The following LRRC4C variants were observed in gnomAD, a reference collection of about 807,000 sequenced individuals.
The protein encoded by LRRC4C is leucine rich repeat containing 4C, also known as leucine-rich repeat-containing protein 4C.
A neutral mutation model predicts 33.6 loss-of-function variants in LRRC4C; 5 were observed. The ratio of observed to expected loss-of-function variants is 0.15; its 90% CI spans 0.08 to 0.31. The LOEUF (loss-of-function observed/expected upper bound fraction) is 0.31, where lower values mean the gene tolerates loss of function less well. Ranked by LOEUF, LRRC4C falls within the 10% of genes least tolerant of loss-of-function variation. The pLI, the probability that LRRC4C is intolerant of heterozygous loss-of-function variation, is 1.00. For missense variants in LRRC4C, 560 were observed against 796.7 expected (o/e 0.70, Z 3.58); for synonymous variants, 329 against 302.0 (o/e 1.09, Z -0.93).
At chr11:40,776,129 G>A (rs1376118947) in intron 2 of LRRC4C, among the ~76,000 whole-genome samples, 2 of 152,070 alleles carry the variant, frequency 1.3e-5, no homozygotes, top group Non-Finnish European at 2.9e-5. Flanking sequence ...AAGCCTACTT[G>A]AATGTGGTGA....
intron 2 of LRRC4C, among the ~76,000 whole-genome samples, chr11:40,857,440 C>T (rs953409891): frequency 1.3e-5 from 2 of 152,068 alleles, no homozygotes; most frequent in Non-Finnish European, 2.9e-5. Context: ...CAAATGAGAG[C>T]ATGTGGTGTT....
intron 2 of LRRC4C, among the ~76,000 whole-genome samples, chr11:40,671,465 C>T (rs1944105137): frequency 6.6e-6 from 1 of 152,124 alleles, no homozygotes; most frequent in Non-Finnish European, 1.5e-5. Flanking sequence ...AAAGTTGCTT[C>T]TAATATCTCA....
intron 2 of LRRC4C, among the ~76,000 whole-genome samples, chr11:40,747,873 A>G (rs1948501180): frequency 6.6e-6 from 1 of 152,164 alleles, no homozygotes. Flanking sequence ...ACAAAAAGAA[A>G]AAAAGAGTGA....
chr11:40,457,284 T>C (rs950382802), intron 3 of LRRC4C, among the ~76,000 whole-genome samples: 14 of 151,976 alleles, frequency 9.2e-5, no homozygotes, highest in African/African-American at 3.4e-4. Context: ...AAGAAGAAAG[T>C]ATACCCATCA....
At chr11:40,253,769 C>T (rs146965238) in intron 4 of LRRC4C, among the ~76,000 whole-genome samples, 2 of 152,168 alleles carry the variant, frequency 1.3e-5, no homozygotes, top group African/African-American at 4.8e-5. Flanking sequence ...AGTCAAATAA[C>T]CTTTCTCTGT....
intron 2 of LRRC4C, among the ~76,000 whole-genome samples, chr11:40,699,340 T>C (rs1332572628): frequency 6.6e-6 from 1 of 152,080 alleles, no homozygotes; most frequent in Non-Finnish European, 1.5e-5. Flanking sequence ...AGAGATTGAT[T>C]CAGCTCAGCA....
intron 1 of LRRC4C, among the ~76,000 whole-genome samples, chr11:41,100,661 G>A (rs1941116495): frequency 6.6e-6 from 1 of 152,024 alleles, no homozygotes; most frequent in Non-Finnish European, 1.5e-5. Flanking sequence ...TCAAACCAAT[G>A]ACATTCTTCA....
chr11:40,169,180 G>A (rs1385501559), intron 5 of LRRC4C, among the ~76,000 whole-genome samples: 1 of 152,100 alleles, frequency 6.6e-6, no homozygotes, highest in Non-Finnish European at 1.5e-5. Flanking sequence ...ATTTTTCTGG[G>A]ATACGGTAAG....
intron 1 of LRRC4C, among the ~76,000 whole-genome samples, chr11:41,218,561 C>T (rs1453556864): frequency 6.6e-6 from 1 of 152,072 alleles, no homozygotes; most frequent in African/African-American, 2.4e-5. Context: ...AGGCTTCATA[C>T]AATATATCTG....
chr11:40,130,975 C>T (rs991788951), intron 6 of LRRC4C, among the ~76,000 whole-genome samples: 2 of 152,154 alleles, frequency 1.3e-5, no homozygotes, highest in Non-Finnish European at 2.9e-5. Context: ...TAAATCCATC[C>T]TTTCCCTAAA....
At chr11:40,117,359 C>T (rs1360305998) in intron 6 of LRRC4C, among the ~76,000 whole-genome samples, 1 of 152,176 alleles carries the variant, frequency 6.6e-6, no homozygotes, top group African/African-American at 2.4e-5. Flanking sequence ...CATATACCAA[C>T]TCATTATAAA....
chr11:41,119,219 T>C (rs945257872), intron 1 of LRRC4C, among the ~76,000 whole-genome samples: 90 of 152,188 alleles, frequency 5.9e-4, no homozygotes, highest in African/African-American at 2.1e-3. Flanking sequence ...TTTAAGTACA[T>C]AGCATATTTT....
chr11:40,857,152 A>C (rs1255747344), intron 2 of LRRC4C, among the ~76,000 whole-genome samples: 1 of 152,226 alleles, frequency 6.6e-6, no homozygotes, highest in East Asian at 1.9e-4. Context: ...CTTGCAATGG[A>C]ATAAAATAAT....
intron 2 of LRRC4C, among the ~76,000 whole-genome samples, chr11:40,903,078 C>T (rs1312045067): frequency 6.6e-6 from 1 of 152,148 alleles, no homozygotes; most frequent in Non-Finnish European, 1.5e-5. Flanking sequence ...CAATGCCTGG[C>T]TTTAAAGGTT....
chr11:41,312,996 A>C (rs556771031), intron 1 of LRRC4C, among the ~76,000 whole-genome samples: 1 of 152,342 alleles, frequency 6.6e-6, no homozygotes, highest in African/African-American at 2.4e-5. Context: ...AATACATGGT[A>C]ATAAAGGCAG....
chr11:41,022,931 G>GGTTA (rs1188801567), intron 1 of LRRC4C, among the ~76,000 whole-genome samples: 5 of 151,928 alleles, frequency 3.3e-5, no homozygotes, highest in African/African-American at 1.2e-4. Flanking sequence ...ATAGGTCAGA[G>GGTTA]GTTAGTGCCA....
At chr11:41,371,387 C>T (rs1952741587) in intron 1 of LRRC4C, among the ~76,000 whole-genome samples, 1 of 152,174 alleles carries the variant, frequency 6.6e-6, no homozygotes. Context: ...TTCCAATGTC[C>T]AAACTTAATA....
intron 1 of LRRC4C, among the ~76,000 whole-genome samples, chr11:41,406,226 T>C (rs1046940013): frequency 1.3e-5 from 2 of 152,050 alleles, no homozygotes; most frequent in African/African-American, 2.4e-5. Context: ...GTTGGAGAAA[T>C]AAGCAGATTT....
At chr11:40,547,683 A>G (rs1309592393) in intron 3 of LRRC4C, among the ~76,000 whole-genome samples, 1 of 152,118 alleles carries the variant, frequency 6.6e-6, no homozygotes, top group African/African-American at 2.4e-5. Context: ...AATGAACTTA[A>G]ACACCCTATA....
Sources: gnomAD v4.1 joint callset for allele counts (sites outside exome capture counted in the v4.1 genomes callset) on GRCh38, gnomAD v4.1.1 for gene constraint, MANE v1.5 for transcripts, NCBI Gene and HGNC (gene_info 2026-07-23, HGNC 2026-07-21) for gene names.